Variants in YAP1 observed in about 807,000 individuals in gnomAD.
The protein encoded by YAP1 is transcriptional coactivator YAP1.
Under a neutral mutation model 56.9 loss-of-function variants are expected in YAP1, and 5 were observed. That is an observed-to-expected ratio of 0.09 (90% CI 0.05 to 0.18). The LOEUF is 0.18. Among genes scored for constraint, YAP1 ranks in the 10% least tolerant of loss-of-function variants. YAP1 has a pLI of 1.00. For synonymous variants in YAP1, 265 were observed against 248.1 expected (o/e 1.07, Z -0.64); for missense variants, 539 against 651.8 (o/e 0.83, Z 1.88).
At chr11:102,217,117 A>G (rs1487163060) in intron 6 of YAP1, among the ~76,000 whole-genome samples, 1 of 152,194 alleles carries the variant, frequency 6.6e-6, no homozygotes, top group Non-Finnish European at 1.5e-5. Context: ...GTGGACTTTT[A>G]TGGAACCAAG....
At chr11:102,194,598 T>A (rs774009875) in intron 4 of YAP1, among the ~76,000 whole-genome samples, 1 of 152,204 alleles carries the variant, frequency 6.6e-6, no homozygotes. Flanking sequence ...ATTACAAATG[T>A]ATTAAGTATG....
At chr11:102,192,868 T>C (rs1948366542) in intron 4 of YAP1, among the ~76,000 whole-genome samples, 1 of 152,230 alleles carries the variant, frequency 6.6e-6, no homozygotes, top group African/African-American at 2.4e-5. Flanking sequence ...TCTTCCAGCC[T>C]TTAATCTAAA....
intron 3 of YAP1, among the ~76,000 whole-genome samples, chr11:102,164,191 C>T (rs533735520): frequency 1.2e-4 from 18 of 152,220 alleles, no homozygotes; most frequent in African/African-American, 3.9e-4. Flanking sequence ...CCTGCCTCCA[C>T]ACCCAGCTAA....
chr11:102,126,002 C>G (rs1311191700), intron 2 of YAP1, among the ~76,000 whole-genome samples: 1 of 152,018 alleles, frequency 6.6e-6, no homozygotes, highest in Non-Finnish European at 1.5e-5. Flanking sequence ...GGACTGAATA[C>G]CAGTGTTCTT....
At chr11:102,164,193 C>T (rs1407064399) in intron 3 of YAP1, among the ~76,000 whole-genome samples, 2 of 152,100 alleles carry the variant, frequency 1.3e-5, no homozygotes, top group South Asian at 2.1e-4. Context: ...TGCCTCCACA[C>T]CCAGCTAATT....
At chr11:102,208,436 G>A (rs560347449) in intron 5 of YAP1, among the ~76,000 whole-genome samples, 39 of 152,200 alleles carry the variant, frequency 2.6e-4, no homozygotes, top group African/African-American at 8.9e-4. Context: ...AGGGTAGAGG[G>A]GAAGTTTTCC....
intron 3 of YAP1, among the ~76,000 whole-genome samples, chr11:102,179,739 A>G (rs114946445): frequency 1.1e-4 from 17 of 152,130 alleles, no homozygotes; most frequent in African/African-American, 3.6e-4. Flanking sequence ...TCATTAGCCA[A>G]CATTGTACTG....
chr11:102,199,226 C>T (rs985553534), intron 4 of YAP1, among the ~76,000 whole-genome samples: 15 of 152,074 alleles, frequency 9.9e-5, no homozygotes, highest in African/African-American at 2.4e-5. Flanking sequence ...ATTGATGGTA[C>T]GGATGAGAAA....
intron 7 of YAP1, 75 bp downstream of exon 7, chr11:102,223,827 T>C (rs1950067236): frequency 6.4e-7 from 1 of 1,574,434 alleles, no homozygotes; most frequent in Non-Finnish European, 8.7e-7. Context: ...GTGCTTGTAA[T>C]AGGCTATTTG....
intron 2 of YAP1, among the ~76,000 whole-genome samples, chr11:102,156,072 A>G (rs1945924241): frequency 6.6e-6 from 1 of 152,176 alleles, no homozygotes. Flanking sequence ...TAGACTGACA[A>G]TTATAAAATG....
intron 2 of YAP1, among the ~76,000 whole-genome samples, chr11:102,152,686 G>A (rs549731951): frequency 2.0e-5 from 3 of 152,106 alleles, no homozygotes; most frequent in Non-Finnish European, 2.9e-5. Context: ...CCATTCAAAA[G>A]GTTAAACTAT....
At chr11:102,174,291 A>C (rs73582046) in intron 3 of YAP1, among the ~76,000 whole-genome samples, 1,605 of 152,082 alleles carry the variant, frequency 0.011, 34 homozygotes, top group African/African-American at 0.037. Flanking sequence ...TATGTTACCT[A>C]CTTTTTCTTA....
intron 3 of YAP1, among the ~76,000 whole-genome samples, chr11:102,163,958 C>T (rs1302052146): frequency 6.6e-6 from 1 of 152,066 alleles, no homozygotes; most frequent in East Asian, 1.9e-4. Context: ...AAGAAAAATT[C>T]CTTAAATCTA....
At chr11:102,223,868 G>A (rs1950069368) in intron 7 of YAP1, 116 bp downstream of exon 7, 4 of 1,330,578 alleles carry the variant, frequency 3.0e-6, no homozygotes, top group Non-Finnish European at 3.1e-6. Context: ...AACCATAGCT[G>A]TAAATGAATC....
chr11:102,172,361 G>C (rs1180248861), intron 3 of YAP1, among the ~76,000 whole-genome samples: 1 of 141,944 alleles, frequency 7.0e-6, no homozygotes, highest in Non-Finnish European at 1.5e-5. Context: ...ACCCAGGCTG[G>C]AGTGCAGTGG....
intron 3 of YAP1, among the ~76,000 whole-genome samples, chr11:102,183,274 A>G (rs1947738164): frequency 6.6e-6 from 1 of 152,230 alleles, no homozygotes; most frequent in African/African-American, 2.4e-5. Context: ...AGGAGATGGC[A>G]TGATTTTATG....
At chr11:102,150,392 T>C (rs567513047) in intron 2 of YAP1, among the ~76,000 whole-genome samples, 3 of 152,224 alleles carry the variant, frequency 2.0e-5, no homozygotes, top group Non-Finnish European at 4.4e-5. Flanking sequence ...AGTAAAGTAT[T>C]GCCAGTCAGT....
Position 102,213,401 on chromosome 11 carries a change from G to A in YAP1, c.1032+3837G>A, listed in dbSNP as rs183079803. Among the ~76,000 whole-genome samples the A allele has an allele frequency of 1.6e-3, 251 of 152,262 alleles. 2 individuals are homozygous for A. Among genetic ancestry groups the A allele is most frequent in the South Asian group, 3.5e-3 (17 of 4,824 alleles). On this transcript the variant is annotated intron_variant, in intron 6 of 8. Coordinates refer to ENST00000282441, the MANE Select transcript of YAP1 (RefSeq NM_001130145.3). ...CTCAGGAGGCTGAGGAGGGAGAATC[G>A]CCTGAACCTGGGAGGCAGAGGTTGC...
intron 3 of YAP1, among the ~76,000 whole-genome samples, chr11:102,172,023 C>T (rs1411141954): frequency 6.6e-6 from 1 of 151,908 alleles, no homozygotes; most frequent in Non-Finnish European, 1.5e-5. Context: ...AACCCCGTCT[C>T]TACTAAAAAT....
Sources: allele counts gnomAD v4.1 joint callset (sites outside exome capture counted in the v4.1 genomes callset), GRCh38; gene constraint gnomAD v4.1.1; transcripts MANE v1.5; gene names NCBI Gene and HGNC (gene_info 2026-07-23, HGNC 2026-07-21).